Variants in CSMD1 observed in about 807,000 individuals in gnomAD.
CSMD1 encodes the protein CUB and Sushi multiple domains 1.
Under a neutral mutation model 417.5 loss-of-function variants are expected in CSMD1, and 213 were observed. The ratio of observed to expected loss-of-function variants is 0.51; its 90% CI spans 0.46 to 0.57. The LOEUF is 0.57. Ranked by LOEUF, CSMD1 falls within the 20% of genes least tolerant of loss-of-function variation. The pLI is 0.00. For missense variants in CSMD1, 6,923 were observed against 4,529.7 expected (o/e 1.53, Z -15.17); for synonymous variants, 2,862 against 1,736.8 (o/e 1.65, Z -16.11).
intron 10 of CSMD1, among the ~76,000 whole-genome samples, chr8:3,502,683 G>C (rs368651917): frequency 6.6e-6 from 1 of 152,198 alleles, no homozygotes; most frequent in Non-Finnish European, 1.5e-5. Context: ...ACAGTAAAAA[G>C]ATTAGTGATT....
intron 50 of CSMD1, among the ~76,000 whole-genome samples, chr8:3,035,825 C>G (rs1585198216): frequency 6.6e-6 from 1 of 152,110 alleles, no homozygotes; most frequent in African/African-American, 2.4e-5. Flanking sequence ...GCCAGTTTAC[C>G]TTATATTTCT....
intron 5 of CSMD1, among the ~76,000 whole-genome samples, chr8:3,968,168 C>G (rs1374172000): frequency 6.7e-6 from 1 of 149,078 alleles, no homozygotes; most frequent in Non-Finnish European, 1.5e-5. Context: ...GCCTGGGTGA[C>G]AGAGCGAGAC....
intron 26 of CSMD1, among the ~76,000 whole-genome samples, chr8:3,275,623 C>G (rs993465718): frequency 6.6e-6 from 1 of 152,080 alleles, no homozygotes; most frequent in Non-Finnish European, 1.5e-5. Flanking sequence ...AGGCTTTGCT[C>G]GTTTCTTTTT....
chr8:4,753,445 A>G (rs919721445), intron 1 of CSMD1, among the ~76,000 whole-genome samples: 2 of 109,796 alleles, frequency 1.8e-5, no homozygotes, highest in African/African-American at 3.4e-5. Context: ...ACACACACAC[A>G]CATGCGCACA....
intron 2 of CSMD1, among the ~76,000 whole-genome samples, chr8:4,515,134 G>A (rs568296014): frequency 1.4e-4 from 21 of 152,254 alleles, no homozygotes; most frequent in Admixed American, 9.8e-4. Flanking sequence ...TTTACTGGTC[G>A]GTGTGGTGTG....
intron 54 of CSMD1, among the ~76,000 whole-genome samples, chr8:2,992,142 G>A (rs910198941): frequency 3.3e-5 from 5 of 151,992 alleles, no homozygotes; most frequent in African/African-American, 1.2e-4. Flanking sequence ...TGCACACACA[G>A]ACACATGCAC....
chr8:3,169,919 A>T (rs1299612799), intron 37 of CSMD1, among the ~76,000 whole-genome samples: 1 of 151,938 alleles, frequency 6.6e-6, no homozygotes. Context: ...TCTGTGGATG[A>T]CCCCTTCCTC....
At chr8:4,076,794 T>C (rs899140616) in intron 3 of CSMD1, among the ~76,000 whole-genome samples, 1 of 152,096 alleles carries the variant, frequency 6.6e-6, no homozygotes, top group African/African-American at 2.4e-5. Flanking sequence ...CATATCAGAG[T>C]ATACACCATC....
chr8:4,713,106 T>C (rs1039638231), intron 1 of CSMD1, among the ~76,000 whole-genome samples: 2 of 152,188 alleles, frequency 1.3e-5, no homozygotes, highest in African/African-American at 4.8e-5. Flanking sequence ...TTAAAGTCAT[T>C]CATTTGAGTT....
chr8:3,842,923 G>A (rs1483586979), intron 5 of CSMD1, among the ~76,000 whole-genome samples: 2 of 152,130 alleles, frequency 1.3e-5, no homozygotes, highest in African/African-American at 4.8e-5. Flanking sequence ...AAAACGCACT[G>A]AAGATGTTCC....
chr8:4,026,635 G>A (rs898971224), intron 4 of CSMD1, among the ~76,000 whole-genome samples: 3 of 152,224 alleles, frequency 2.0e-5, no homozygotes, highest in Non-Finnish European at 4.4e-5. Context: ...TATCTCCTGG[G>A]AAGCTACAAG....
chr8:3,226,881 A>G (rs79837862), intron 27 of CSMD1, among the ~76,000 whole-genome samples: 4,589 of 152,200 alleles, frequency 0.03, 232 homozygotes, highest in African/African-American at 0.1. Flanking sequence ...AAAGTAAAAA[A>G]GTAAATTAGC....
intron 26 of CSMD1, among the ~76,000 whole-genome samples, chr8:3,246,399 T>G (rs1435598587): frequency 3.3e-5 from 5 of 152,190 alleles, no homozygotes; most frequent in Non-Finnish European, 5.9e-5. Context: ...AGGAAGCCAG[T>G]TCCTCAGTCA....
intron 6 of CSMD1, among the ~76,000 whole-genome samples, chr8:3,746,222 A>T (rs1797059884): frequency 6.6e-6 from 1 of 152,254 alleles, no homozygotes. Context: ...AGCCAGAATA[A>T]GTTCTTCCTC....
At chr8:3,243,172 C>G (rs934061260) in intron 26 of CSMD1, among the ~76,000 whole-genome samples, 2 of 152,094 alleles carry the variant, frequency 1.3e-5, no homozygotes, top group Non-Finnish European at 2.9e-5. Context: ...AGGCCGCTTA[C>G]CCGATTTAAA....
chr8:4,001,470 T>G (rs1365469951), intron 4 of CSMD1, among the ~76,000 whole-genome samples: 1 of 152,188 alleles, frequency 6.6e-6, no homozygotes, highest in Non-Finnish European at 1.5e-5. Context: ...GAGGGTTCTT[T>G]TTTATTTTAA....
chr8:4,032,651 A>G (rs970725192), intron 3 of CSMD1, among the ~76,000 whole-genome samples: 1 of 152,238 alleles, frequency 6.6e-6, no homozygotes, highest in Admixed American at 6.5e-5. Context: ...TGATCCATCA[A>G]TGTATAAAAA....
At chr8:4,209,254 G>A (rs1025707114) in intron 3 of CSMD1, among the ~76,000 whole-genome samples, 3 of 152,108 alleles carry the variant, frequency 2.0e-5, no homozygotes, top group Non-Finnish European at 4.4e-5. Context: ...ACGAAAAAGA[G>A]GCAGCCAGCT....
At chr8:4,472,337 A>G (rs976469498) in intron 2 of CSMD1, among the ~76,000 whole-genome samples, 4 of 152,176 alleles carry the variant, frequency 2.6e-5, no homozygotes. Flanking sequence ...TAGAGAAAGC[A>G]TGTATGTACC....
Sources: allele counts gnomAD v4.1 joint callset (sites outside exome capture counted in the v4.1 genomes callset), GRCh38; gene constraint gnomAD v4.1.1; transcripts MANE v1.5; gene names NCBI Gene and HGNC (gene_info 2026-07-23, HGNC 2026-07-21).